TFEB: variants seen among roughly 807,000 people sequenced by gnomAD.
The protein encoded by TFEB is T-cell transcription factor EB.
Under a neutral mutation model 48.0 loss-of-function variants are expected in TFEB, and 12 were observed. That is an observed-to-expected ratio of 0.25 (90% CI 0.16 to 0.40). The LOEUF (loss-of-function observed/expected upper bound fraction) is 0.40. Among genes scored for constraint, TFEB ranks in the 10% least tolerant of loss-of-function variants. TFEB has a pLI of 1.00. For synonymous variants in TFEB, 244 were observed against 261.4 expected, an observed-to-expected ratio of 0.93 and a Z score of 0.64; for missense variants, 509 against 640.3, an observed-to-expected ratio of 0.79 and a Z score of 2.21.
rs1362105666 is a variant in TFEB at position 41,691,124 on chromosome 6, G to T, written c.90C>A (p.Val30=). The T allele has an allele frequency of 1.3e-6, 2 of 1,586,732 alleles. No homozygotes were observed. The highest frequency in any genetic ancestry group is 2.7e-5 in the African/African-American group (2 of 74,340). The change falls in exon 2 of 9, where the codon GTC becomes GTA. Residue 30 remains valine (V), a synonymous_variant. Coordinates refer to ENST00000373033, the MANE Select transcript of TFEB (RefSeq NM_001271944.2). The surrounding 1 kb of genome is among the most constrained non-coding windows in gnomAD (Gnocchi z 5.2). Reference sequence around the variant, plus strand: ...GCTGCTGCTGCTGCATGTAATGCATGACAGCCTGTTGCTGCATGCGCTCCC... The same window carrying T: ...GCTGCTGCTGCTGCATGTAATGCATTACAGCCTGTTGCTGCATGCGCTCCC... ...EQRERMQQQA[V]MHYMQQQQQQ...
At chr6:41,709,678 G>A (rs188413813) in intron 1 of TFEB, among the ~76,000 whole-genome samples, 1 of 152,120 alleles carries the variant, frequency 6.6e-6, no homozygotes, top group Non-Finnish European at 1.5e-5. Context: ...TGGATATAAT[G>A]GATAGATGTA....
In TFEB at chr6:41,730,114, T is replaced by G. The variant is rs1771389250; in HGVS notation, c.-23+5236A>C. On this transcript the variant is annotated intron_variant, in intron 1 of 8. Coordinates refer to ENST00000373033, the MANE Select transcript of TFEB (RefSeq NM_001271944.2). The surrounding 1 kb of genome is among the most constrained non-coding windows in gnomAD (Gnocchi z 4.1). ...CTGCCCTAGAGAAAGGGCATTGGAA[T>G]CATCCCAGAAAAAAAAAAAATTAAA... Among the ~76,000 whole-genome samples, 1 of 122,426 alleles carries G rather than the reference T, an allele frequency of 8.2e-6. No homozygotes were observed. The highest frequency in any genetic ancestry group is 2.7e-5 in the African/African-American group (1 of 37,184). 80.3% of individuals were successfully genotyped at this position (122,426 alleles called of 152,430 possible).
intron 1 of TFEB, among the ~76,000 whole-genome samples, chr6:41,709,890 G>T (rs901030758): frequency 6.6e-6 from 1 of 152,016 alleles, no homozygotes; most frequent in African/African-American, 2.4e-5. Context: ...AGGCTCAAAC[G>T]ATCCTCCCAC....
In TFEB at chr6:41,689,799, T is replaced by C; in HGVS notation, c.481A>G (p.Ile161Val). 1 of 1,613,890 alleles carries C rather than the reference T, an allele frequency of 6.2e-7. No homozygotes were observed. The highest frequency in any genetic ancestry group is 1.7e-5 in the Admixed American group (1 of 59,996). The change falls in exon 4 of 9, where the codon ATT becomes GTT. Residue 161 changes from isoleucine (I) to valine (V), a missense_variant. This residue lies in a region of TFEB where 251 missense variants were observed against 317.2 expected (regional missense o/e 0.79). Coordinates refer to ENST00000373033, the MANE Select transcript of TFEB (RefSeq NM_001271944.2). ...TCGTCCAGACGCATAATGTTGTCAA[T>C]GACATCATCCAACTGGAAAAGAGAA... ...SNPERELDDV[I>V]DNIMRLDDVL...
rs111268347 is a variant in TFEB, at chr6:41,684,624, C to A, written c.1406G>T (p.Ser469Ile). ...TCACAGCACATCGCCCTCCTCCATG[C>A]TGAAGCTGCTCCGGCGGCTGCTGGC... is the stretch of plus-strand genomic sequence containing the variant. The part of the protein sequence containing the change: ...SKASSRRSSF[S>I]MEEGDVL The change falls in exon 9 of 9, where the codon AGC becomes ATC. Residue 469 changes from serine to isoleucine, a missense_variant. This residue lies in a region of TFEB where 168 missense variants were observed against 161.0 expected (regional missense o/e 1.04). Coordinates refer to ENST00000373033, the MANE Select transcript of TFEB (RefSeq NM_001271944.2). The A allele has an allele frequency of 6.2e-7, 1 of 1,600,764 alleles. No individual in the cohort carries two copies.
At chr6:41,718,167 CA>C (rs1163196163) in intron 1 of TFEB, among the ~76,000 whole-genome samples, 1 of 150,748 alleles carries the variant, frequency 6.6e-6, no homozygotes, top group African/African-American at 2.5e-5. Flanking sequence ...GTGGTAAGAA[CA>C]TTTGAATTTT....
At position 41,730,403 on chromosome 6, in the gene TFEB, T is replaced by C. The variant is rs1394777799; in HGVS notation, c.-23+4947A>G. On this transcript the variant is annotated intron_variant, in intron 1 of 8. Transcript: ENST00000373033. This position sits in a 1 kb window ranked among gnomAD's most constrained non-coding sequence, Gnocchi z 4.1. Reference sequence around the variant, plus strand: ...TAATCCCTACAGCACCGCATCTTACTCTGGGACCACTGCTGAATGCATAAG... The same window carrying C: ...TAATCCCTACAGCACCGCATCTTACCCTGGGACCACTGCTGAATGCATAAG... 6.6e-6 allele frequency among the ~76,000 whole-genome samples: 1 copy of C among 152,214 alleles called. No individual in the cohort carries two copies. The highest frequency in any genetic ancestry group is 1.5e-5 in the Non-Finnish European group (1 of 68,044).
rs1482744910 is a variant in TFEB at position 41,720,517 on chromosome 6, A to G, written c.-23+14833T>C. 6.6e-6 allele frequency: 1 copy of G among 152,294 alleles called. No homozygotes were observed. Among genetic ancestry groups the G allele is most frequent in the Non-Finnish European group, 1.5e-5 (1 of 68,122 alleles). 9.4% of individuals were successfully genotyped at this position (152,294 alleles called of 1,614,324 possible). ...CGGTTCATCCACAATAGGTCACAAGATGGGCATCACCACCCAGGAGGCTGG... is the reference window on the plus strand; with the variant it reads ...CGGTTCATCCACAATAGGTCACAAGGTGGGCATCACCACCCAGGAGGCTGG... On this transcript the variant is annotated intron_variant, in intron 1 of 8. Transcript: ENST00000373033. This position sits in a 1 kb window ranked among gnomAD's most constrained non-coding sequence, Gnocchi z 4.1.
chr6:41,714,096 CGT>C (rs1044529324), intron 1 of TFEB, among the ~76,000 whole-genome samples: 3 of 150,376 alleles, frequency 2.0e-5, no homozygotes, highest in Non-Finnish European at 1.5e-5. Context: ...CCTGTGTGTG[CGT>C]GTGTGTGTGC....
At position 41,708,921 on chromosome 6, in the gene TFEB, C is replaced by T. The variant is rs549903610; in HGVS notation, c.-22-17686G>A. The stretch of plus-strand genomic sequence containing the variant: ...TTCCCCACTTGGCGGAAGGTTAAGA[C>T]TGCCCTCAGAAGGAGAGCTGGGATG... On this transcript the variant is annotated intron_variant, in intron 1 of 8. Coordinates refer to ENST00000373033, the MANE Select transcript of TFEB (RefSeq NM_001271944.2). Among the ~76,000 whole-genome samples, 6 of 152,316 alleles carry T rather than the reference C, an allele frequency of 3.9e-5. No individual in the cohort carries two copies. The South Asian group carries it at 1.2e-3, about 32-fold the overall frequency.
chr6:41,721,794 G>C (rs1770995594), intron 1 of TFEB, among the ~76,000 whole-genome samples: 1 of 152,182 alleles, frequency 6.6e-6, no homozygotes, highest in Admixed American at 6.5e-5. Flanking sequence ...AGGCCAAACA[G>C]TAACTGGCTC....
At chr6:41,709,416 G>A (rs994065238) in intron 1 of TFEB, among the ~76,000 whole-genome samples, 1 of 152,234 alleles carries the variant, frequency 6.6e-6, no homozygotes, top group African/African-American at 2.4e-5. Context: ...CCTGGCACAG[G>A]ATAGGTGCTC....
At position 41,698,333 on chromosome 6, in the gene TFEB, G is replaced by A. The variant is rs544982750; in HGVS notation, c.-22-7098C>T. On this transcript the variant is annotated intron_variant, in intron 1 of 8. Coordinates refer to ENST00000373033, the MANE Select transcript of TFEB (RefSeq NM_001271944.2). ...CTGCATTCAGGGTGAGGGCGGCCAC[G>A]TTTTGTTTTAGAAATTCTCACTGAA... is the stretch of plus-strand genomic sequence containing the variant. Among the ~76,000 whole-genome samples, 20 of 152,258 alleles carry A rather than the reference G, an allele frequency of 1.3e-4. 1 individual carries two copies. Among genetic ancestry groups the A allele is most frequent in the Non-Finnish European group, 2.5e-4 (17 of 68,016 alleles).
intron 1 of TFEB, among the ~76,000 whole-genome samples, chr6:41,712,740 G>A (rs1770537770): frequency 6.6e-6 from 1 of 152,118 alleles, no homozygotes. Flanking sequence ...CACACAATGG[G>A]GCTGTGTGTG....
At chr6:41,700,525 C>G (rs1329683529) in intron 1 of TFEB, among the ~76,000 whole-genome samples, 1 of 151,744 alleles carries the variant, frequency 6.6e-6, no homozygotes, top group African/African-American at 2.4e-5. Context: ...GAAGCAGAGG[C>G]TCCAAAAGGG....
chr6:41,723,654 G>C lies in TFEB; in HGVS notation c.-23+11696C>G. 1.3e-6 allele frequency: 1 copy of C among 756,048 alleles called. No homozygotes were observed. The highest frequency in any genetic ancestry group is 1.7e-5 in the South Asian group (1 of 57,678). 46.8% of individuals were successfully genotyped at this position (756,048 alleles called of 1,614,324 possible). ...ACAATCCCCTGGGAGCTGCAAATGC[G>C]GCCGAGGATTACTCACAGCACAGAG... is the stretch of plus-strand genomic sequence containing the variant. On this transcript the variant is annotated intron_variant, in intron 1 of 8. Coordinates refer to ENST00000373033, the MANE Select transcript of TFEB (RefSeq NM_001271944.2). The surrounding 1 kb of genome is among the most constrained non-coding windows in gnomAD (Gnocchi z 6.0).
At position 41,730,823 on chromosome 6, in the gene TFEB, G is replaced by A. The variant is rs1265311702; in HGVS notation, c.-23+4527C>T. Among the ~76,000 whole-genome samples the A allele has an allele frequency of 6.6e-6, 1 of 152,208 alleles. No homozygotes were observed. Among genetic ancestry groups the A allele is most frequent in the Non-Finnish European group, 1.5e-5 (1 of 68,030 alleles). ...CTAGGAGTGCATGGTCAGTGGCCAG[G>A]CCAGATGCTACCCAGGGAAACCCAA... On this transcript the variant is annotated intron_variant, in intron 1 of 8. Transcript: ENST00000373033. The surrounding 1 kb of genome is among the most constrained non-coding windows in gnomAD (Gnocchi z 4.1).
chr6:41,697,427 A>AAAAAAAAAAAAAAAAAAAAAAAG (rs1769655029), intron 1 of TFEB, among the ~76,000 whole-genome samples: 6 of 145,284 alleles, frequency 4.1e-5, no homozygotes, highest in African/African-American at 1.3e-4. Flanking sequence ...AAAAAAAAAA[A>AAAAAAAAAAAAAAAAAAAAAAAG]GAATGAGGGC....
chr6:41,730,891 GC>G lies in TFEB; in HGVS notation c.-23+4458del, dbSNP rs1363078945. On this transcript the variant is annotated intron_variant, in intron 1 of 8. Coordinates refer to ENST00000373033, the MANE Select transcript of TFEB (RefSeq NM_001271944.2). The surrounding 1 kb of genome is among the most constrained non-coding windows in gnomAD (Gnocchi z 4.1). ...GTAGAGATGCCTCAGGCATTGCCAAGCCCCCTGCACCGTCTTATTCAACAAG... is the reference window on the plus strand; with the variant it reads ...GTAGAGATGCCTCAGGCATTGCCAAGCCCCTGCACCGTCTTATTCAACAAG... Among the ~76,000 whole-genome samples, 1 of 152,170 alleles carries G rather than the reference GC, an allele frequency of 6.6e-6. No homozygotes were observed. The highest frequency in any genetic ancestry group is 1.5e-5 in the Non-Finnish European group (1 of 68,024).
Sources: gnomAD v4.1 joint callset for allele counts (sites outside exome capture counted in the v4.1 genomes callset) on GRCh38, gnomAD v4.1.1 for gene constraint, gnomAD v4.1.1 regional missense constraint, Gnocchi (gnomAD v3.1) non-coding constraint, MANE v1.5 for transcripts, NCBI Gene and HGNC (gene_info 2026-07-23, HGNC 2026-07-21) for gene names.